NRXN3: variants seen among roughly 807,000 people sequenced by gnomAD.
NRXN3 encodes neurexin III.
NRXN3 carries 32 observed loss-of-function variants against 137.6 expected under a neutral mutation model. That is an observed-to-expected ratio of 0.23 (90% CI 0.18 to 0.31). The LOEUF is 0.31. Ranked by LOEUF, NRXN3 falls within the 10% of genes least tolerant of loss-of-function variation. NRXN3 has a pLI of 1.00. For missense variants in NRXN3, 1,574 were observed against 2,062.5 expected (o/e 0.76, Z 4.59); for synonymous variants, 798 against 784.5 (o/e 1.02, Z -0.29).
At chr14:79,585,800 A>G (rs560831576) in intron 16 of NRXN3, among the ~76,000 whole-genome samples, 435 of 152,200 alleles carry the variant, frequency 2.9e-3, no homozygotes, top group Non-Finnish European at 5.3e-3. Flanking sequence ...ACACTTGATA[A>G]CACAACCTGG....
intron 4 of NRXN3, among the ~76,000 whole-genome samples, chr14:78,497,375 C>T (rs182085302): frequency 6.6e-6 from 1 of 152,182 alleles, no homozygotes; most frequent in Non-Finnish European, 1.5e-5. Flanking sequence ...GCCATCTTTC[C>T]ATGATCCTCT....
intron 10 of NRXN3, among the ~76,000 whole-genome samples, chr14:78,843,464 A>C (rs758916647): frequency 1.3e-5 from 2 of 152,164 alleles, no homozygotes; most frequent in East Asian, 1.9e-4. Context: ...ACACATATTT[A>C]TTGAGAAAAA....
chr14:79,627,801 G>A (rs1055506161), intron 16 of NRXN3, among the ~76,000 whole-genome samples: 3 of 152,096 alleles, frequency 2.0e-5, no homozygotes, highest in Admixed American at 6.6e-5. Context: ...GGCTTCTGGC[G>A]TGGGTGCTGA....
chr14:79,824,273 C>T (rs2099283766), intron 20 of NRXN3, among the ~76,000 whole-genome samples: 1 of 152,204 alleles, frequency 6.6e-6, no homozygotes, highest in African/African-American at 2.4e-5. Flanking sequence ...TTGAGACTCT[C>T]TTCCATGTAG....
chr14:78,399,045 G>A (rs1422833913), intron 4 of NRXN3, among the ~76,000 whole-genome samples: 1 of 152,146 alleles, frequency 6.6e-6, no homozygotes, highest in Non-Finnish European at 1.5e-5. Context: ...TTGTCTTCCT[G>A]GTTCTTTGAC....
At chr14:79,501,279 T>A (rs1364798549) in intron 16 of NRXN3, among the ~76,000 whole-genome samples, 2 of 152,220 alleles carry the variant, frequency 1.3e-5, no homozygotes, top group East Asian at 3.9e-4. Context: ...ACTGAACATT[T>A]CCATTGCCCC....
intron 10 of NRXN3, among the ~76,000 whole-genome samples, chr14:78,858,911 T>C (rs181690653): frequency 8.5e-5 from 13 of 152,330 alleles, no homozygotes; most frequent in African/African-American, 2.9e-4. Flanking sequence ...TTTAGAAATC[T>C]GTATGTATTC....
intron 15 of NRXN3, among the ~76,000 whole-genome samples, chr14:79,301,251 C>T (rs2085086342): frequency 6.6e-6 from 1 of 152,054 alleles, no homozygotes. Flanking sequence ...GGACTATCTG[C>T]TGTGATTGAC....
rs2067236445 is a variant in NRXN3, at chr14:78,243,067, C to G, written c.-27C>G. 6.8e-7 allele frequency: 1 copy of G among 1,473,148 alleles called. No homozygotes were observed. Among genetic ancestry groups the G allele is most frequent in the African/African-American group, 1.4e-5 (1 of 71,530 alleles). The allele number at this position is 1,473,148 out of a possible 1,614,324, so 91.3% of individuals were successfully genotyped here. Reference sequence around the variant, plus strand: ...CGGGCTGTTCCCTGGCCTGTCTGCTCCTCCGGGCTCTGTCCCAGCAGCGAC... The same window carrying G: ...CGGGCTGTTCCCTGGCCTGTCTGCTGCTCCGGGCTCTGTCCCAGCAGCGAC... On this transcript the variant is annotated 5_prime_UTR_variant, in exon 2 of 21. Transcript: ENST00000335750. The surrounding 1 kb of genome is among the most constrained non-coding windows in gnomAD (Gnocchi z 4.2).
rs1396156560 is a variant in NRXN3, at chr14:78,645,436, G to A, written c.1059+15G>A. 1.3e-6 allele frequency: 2 copies of A among 1,556,640 alleles called. No individual in the cohort carries two copies. The highest frequency in any genetic ancestry group is 3.5e-5 in the Admixed American group (2 of 56,566). The stretch of plus-strand genomic sequence containing the variant: ...ACCTCCGGCAGGTAATGGCTGAGGG[G>A]AGAGAATTCCTGGAAGGCTCATCTT... On this transcript the variant is annotated intron_variant, in intron 5 of 20. Transcript: ENST00000335750.
At chr14:78,206,552 GA>G (rs575463359) in intron 1 of NRXN3, among the ~76,000 whole-genome samples, 1 of 151,708 alleles carries the variant, frequency 6.6e-6, no homozygotes, top group East Asian at 1.9e-4. Flanking sequence ...CCCAAGAGAG[GA>G]AAAAAAAGAG....
chr14:79,230,741 A>T (rs2153275989), intron 15 of NRXN3, among the ~76,000 whole-genome samples: 1 of 152,272 alleles, frequency 6.6e-6, no homozygotes, highest in Middle Eastern at 3.4e-3. Flanking sequence ...CCTGGCAGGT[A>T]CAGGTAGGAT....
At chr14:78,601,752 C>A (rs2097203853) in intron 4 of NRXN3, among the ~76,000 whole-genome samples, 1 of 152,148 alleles carries the variant, frequency 6.6e-6, no homozygotes, top group African/African-American at 2.4e-5. Context: ...CTGTGCCTGG[C>A]CTTGATTCTT....
At chr14:79,849,568 C>T (rs2099387378) in intron 20 of NRXN3, among the ~76,000 whole-genome samples, 1 of 152,108 alleles carries the variant, frequency 6.6e-6, no homozygotes, top group Non-Finnish European at 1.5e-5. Context: ...TCACCTCATA[C>T]ATGGTAGGGT....
intron 4 of NRXN3, among the ~76,000 whole-genome samples, chr14:78,564,999 G>A (rs943885570): frequency 6.6e-6 from 1 of 152,104 alleles, no homozygotes; most frequent in Admixed American, 6.6e-5. Context: ...CACTCATTTG[G>A]CACTTGGTAT....
intron 4 of NRXN3, among the ~76,000 whole-genome samples, chr14:78,627,144 C>CTCTCTCTCT (rs3032372): frequency 1.0e-5 from 1 of 97,958 alleles, no homozygotes; most frequent in African/African-American, 4.4e-5. Flanking sequence ...CTCTCTCTCT[C>CTCTCTCTCT]ATTTTTATTA....
chr14:78,857,727 T>C (rs1391346331), intron 10 of NRXN3, among the ~76,000 whole-genome samples: 2 of 151,864 alleles, frequency 1.3e-5, no homozygotes, highest in African/African-American at 4.8e-5. Flanking sequence ...GCAGAGATAA[T>C]AGGTTGAGAA....
chr14:78,493,563 TAA>T (rs1048934593), intron 4 of NRXN3, among the ~76,000 whole-genome samples: 2 of 132,092 alleles, frequency 1.5e-5, no homozygotes, highest in Admixed American at 1.5e-4. Flanking sequence ...AATAAATAAA[TAA>T]AAAGAATTAG....
rs114622148 is a variant in NRXN3, at chr14:78,411,344, G to A, written c.757+113484G>A. ...CAGTTGCATCAAATCACAGAACAGT[G>A]GAGGGGTTCTGATTAAGCTGAGCCT... On this transcript the variant is annotated intron_variant, in intron 4 of 20. Coordinates refer to ENST00000335750, the MANE Select transcript of NRXN3 (RefSeq NM_001330195.2). Among the ~76,000 whole-genome samples the A allele has an allele frequency of 6.7e-3, 1,023 of 152,268 alleles. 9 individuals carry two copies. The highest frequency in any genetic ancestry group is 0.023 in the African/African-American group (960 of 41,558).
Sources: gnomAD v4.1 joint callset for allele counts (sites outside exome capture counted in the v4.1 genomes callset) on GRCh38, gnomAD v4.1.1 for gene constraint, Gnocchi (gnomAD v3.1) non-coding constraint, MANE v1.5 for transcripts, NCBI Gene and HGNC (gene_info 2026-07-23, HGNC 2026-07-21) for gene names.